TMTC2: variants seen among roughly 807,000 people sequenced by gnomAD.
The protein encoded by TMTC2 is protein O-mannosyl-transferase TMTC2.
In TMTC2, 43 loss-of-function variants were observed where a neutral mutation model predicts 82.4. The observed-to-expected ratio is 0.52, with a 90% CI of 0.41 to 0.67. TMTC2 has a LOEUF of 0.67. Ranked by LOEUF, TMTC2 falls within the 30% of genes least tolerant of loss-of-function variation. The probability of loss-of-function intolerance (pLI) is 0.00; values close to 1 mark genes in which losing one functional copy is unlikely to be tolerated. For missense variants in TMTC2, 919 were observed against 1,012.4 expected (o/e 0.91, Z 1.25); for synonymous variants, 408 against 381.9 (o/e 1.07, Z -0.80).
intron 1 of TMTC2, among the ~76,000 whole-genome samples, chr12:82,764,952 A>G (rs1019626164): frequency 6.9e-6 from 1 of 144,314 alleles, no homozygotes; most frequent in Admixed American, 7.2e-5. Flanking sequence ...GAACAATCAG[A>G]TACTCATTTG....
intron 2 of TMTC2, among the ~76,000 whole-genome samples, chr12:82,860,076 C>T (rs773419241): frequency 8.5e-5 from 13 of 152,188 alleles, no homozygotes; most frequent in Admixed American, 2.6e-4. Flanking sequence ...CGGGTTCAAG[C>T]GACTCTTCTG....
chr12:83,051,995 A>G (rs1882366219), intron 10 of TMTC2, among the ~76,000 whole-genome samples: 1 of 152,092 alleles, frequency 6.6e-6, no homozygotes. Flanking sequence ...TTAGTTATAT[A>G]TATATGTACA....
intron 3 of TMTC2, among the ~76,000 whole-genome samples, chr12:82,897,177 G>A (rs112108743): frequency 0.018 from 2,766 of 152,228 alleles, 36 homozygotes; most frequent in Non-Finnish European, 0.027. Context: ...GTCACCTTTG[G>A]CTGCGCAGAG....
intron 2 of TMTC2, among the ~76,000 whole-genome samples, chr12:82,872,010 C>A (rs541719649): frequency 3.7e-5 from 5 of 133,894 alleles, no homozygotes; most frequent in Admixed American, 7.4e-5. Context: ...ACAACACCCC[C>A]CCCCCCGCCC....
chr12:83,080,583 A>C (rs1396243540), intron 11 of TMTC2, among the ~76,000 whole-genome samples: 1 of 152,184 alleles, frequency 6.6e-6, no homozygotes, highest in Non-Finnish European at 1.5e-5. Flanking sequence ...AGTTTGCCAC[A>C]GCTAGTGGCA....
intron 8 of TMTC2, among the ~76,000 whole-genome samples, chr12:82,993,515 A>C (rs1879487704): frequency 6.6e-6 from 1 of 152,208 alleles, no homozygotes; most frequent in Admixed American, 6.5e-5. Flanking sequence ...AAATATACGT[A>C]GATACTAGTC....
At chr12:82,826,214 G>C (rs1869411249) in intron 1 of TMTC2, among the ~76,000 whole-genome samples, 1 of 152,170 alleles carries the variant, frequency 6.6e-6, no homozygotes, top group Non-Finnish European at 1.5e-5. Flanking sequence ...TTTGACAACA[G>C]TATGTATATC....
chr12:82,964,151 C>T (rs977393827), intron 4 of TMTC2, among the ~76,000 whole-genome samples: 3 of 151,654 alleles, frequency 2.0e-5, no homozygotes, highest in Admixed American at 6.6e-5. Flanking sequence ...AATAGATGTG[C>T]GGAATGTCTG....
chr12:83,110,689 C>G (rs1884570812), intron 11 of TMTC2, among the ~76,000 whole-genome samples: 1 of 152,210 alleles, frequency 6.6e-6, no homozygotes, highest in African/African-American at 2.4e-5. Flanking sequence ...AAACTTCCCT[C>G]CTTTGCAACC....
intron 11 of TMTC2, among the ~76,000 whole-genome samples, chr12:83,127,695 C>A (rs894250425): frequency 2.0e-5 from 3 of 152,060 alleles, no homozygotes; most frequent in Non-Finnish European, 2.9e-5. Context: ...ATTTTGTGTT[C>A]CAATCCTGTG....
intron 1 of TMTC2, among the ~76,000 whole-genome samples, chr12:82,689,210 C>T (rs1486874346): frequency 6.6e-6 from 1 of 152,166 alleles, no homozygotes; most frequent in East Asian, 1.9e-4. Context: ...GGTGACTTTT[C>T]ACTAAAACCA....
intron 4 of TMTC2, among the ~76,000 whole-genome samples, chr12:82,931,313 G>A (rs1011511100): frequency 2.0e-5 from 3 of 152,068 alleles, no homozygotes; most frequent in African/African-American, 7.2e-5. Context: ...GTAAGGTTAT[G>A]GTTCTTTTTT....
At position 82,895,894 on chromosome 12, in the gene TMTC2, A is replaced by G; in HGVS notation, c.731A>G (p.Tyr244Cys). ...WGSSLLGARL[Y>C]WMGNKPPSFS... ...TCCTCCCTTTTGGGTGCCCGGTTAT[A>G]CTGGATGGGAAACAAACCACCAAGC... is the stretch of plus-strand genomic sequence containing the variant. Residue 244 changes from tyrosine to cysteine, a missense_variant, in exon 3 of 12, where the codon TAC becomes TGC. Tyr to Cys is a radical substitution (Grantham distance 194). Coordinates refer to ENST00000321196, the MANE Select transcript of TMTC2 (RefSeq NM_152588.3). The G allele has an allele frequency of 1.2e-6, 2 of 1,613,938 alleles. No homozygotes were observed. The highest frequency in any genetic ancestry group is 1.7e-6 in the Non-Finnish European group (2 of 1,179,994).
chr12:83,003,090 T>C (rs1879999905), intron 8 of TMTC2, among the ~76,000 whole-genome samples: 1 of 152,208 alleles, frequency 6.6e-6, no homozygotes. Flanking sequence ...TTTATAAATC[T>C]GTGTGCTCTA....
chr12:82,855,031 A>G (rs1871186929), intron 1 of TMTC2, among the ~76,000 whole-genome samples: 1 of 152,236 alleles, frequency 6.6e-6, no homozygotes, highest in Non-Finnish European at 1.5e-5. Context: ...ATGTATATGT[A>G]AAGCACTGTT....
chr12:82,947,245 C>T (rs1353512130), intron 4 of TMTC2, among the ~76,000 whole-genome samples: 1 of 152,122 alleles, frequency 6.6e-6, no homozygotes, highest in Non-Finnish European at 1.5e-5. Context: ...TCTTCAAAGA[C>T]CAACTTTAGT....
chr12:83,020,265 T>C (rs1880856894), intron 8 of TMTC2, among the ~76,000 whole-genome samples: 1 of 152,136 alleles, frequency 6.6e-6, no homozygotes, highest in Admixed American at 6.5e-5. Context: ...AACACAGCAC[T>C]GGGCACATGG....
intron 3 of TMTC2, among the ~76,000 whole-genome samples, chr12:82,899,806 T>C (rs1209684097): frequency 3.4e-5 from 5 of 145,322 alleles, no homozygotes; most frequent in African/African-American, 5.0e-5. Flanking sequence ...GGAATATATA[T>C]ATATCCGGAA....
At chr12:83,079,308 T>C (rs1363265637) in intron 11 of TMTC2, among the ~76,000 whole-genome samples, 1 of 152,128 alleles carries the variant, frequency 6.6e-6, no homozygotes, top group Non-Finnish European at 1.5e-5. Context: ...TTTCACTTGT[T>C]GTTTATAGCA....
Sources: gnomAD v4.1 joint callset for allele counts (sites outside exome capture counted in the v4.1 genomes callset) on GRCh38, gnomAD v4.1.1 for gene constraint, MANE v1.5 for transcripts, NCBI Gene and HGNC (gene_info 2026-07-23, HGNC 2026-07-21) for gene names.